Variants in FSHB observed in about 807,000 individuals in gnomAD.
FSHB encodes the protein follitropin subunit beta.
FSHB carries 8 observed loss-of-function variants against 12.1 expected under a neutral mutation model. That is an observed-to-expected ratio of 0.66 (90% CI 0.39 to 1.19). The LOEUF is 1.19. Ranked by LOEUF, FSHB falls within the 50% of genes most tolerant of loss-of-function variation. The pLI, the probability that FSHB is intolerant of heterozygous loss-of-function variation, is 0.01. For synonymous variants in FSHB, 55 were observed against 54.6 expected, an observed-to-expected ratio of 1.01 and a Z score of -0.04; for missense variants, 153 against 157.2, an observed-to-expected ratio of 0.97 and a Z score of 0.14.
At chr11:30,231,501 G>T (rs1243816251) in intron 1 of FSHB, among the ~76,000 whole-genome samples, 1 of 151,906 alleles carries the variant, frequency 6.6e-6, no homozygotes, top group Non-Finnish European at 1.5e-5. Flanking sequence ...CTCAAGAAAA[G>T]AAAAGAATTT....
At position 30,231,054 on chromosome 11, in the gene FSHB, T is replaced by C. The variant is rs1851999583; in HGVS notation, c.-38+6T>C. On this transcript the variant is annotated splice_donor_region_variant and intron_variant, in intron 1 of 2. Coordinates refer to ENST00000533718, the MANE Select transcript of FSHB (RefSeq NM_001382289.1). ...GGCAAGGCAGCCGACCACAGGTGAG[T>C]CTTGGCATCTACCGTTTTCAAGTGG... The C allele has an allele frequency of 6.6e-6, 1 of 152,180 alleles. No individual in the cohort carries two copies. Among genetic ancestry groups the C allele is most frequent in the African/African-American group, 2.4e-5 (1 of 41,434 alleles). 9.4% of individuals were successfully genotyped at this position (152,180 alleles called of 1,614,324 possible).
At chr11:30,233,493 A>G in intron 2 of FSHB, 77 bp from the exon 3 acceptor site, 1 of 1,127,974 alleles carries the variant, frequency 8.9e-7, no homozygotes, top group Non-Finnish European at 1.4e-6. Context: ...GCAGTATTCA[A>G]TTTCTGTCTC....
chr11:30,233,003 T>A (rs595496), intron 2 of FSHB, among the ~76,000 whole-genome samples: 1 of 151,906 alleles, frequency 6.6e-6, no homozygotes, highest in African/African-American at 2.4e-5. Context: ...AATTCTTATA[T>A]GCAAACTGCA....
chr11:30,234,215 ATCT>A lies in FSHB; in HGVS notation c.*418_*420del. Reference sequence around the variant, plus strand: ...TTGGGCCCTCTAGAGCAAGGTCAGCATCTTCAGCATTGTAGCGTCAATGCCTAG... The same window carrying A: ...TTGGGCCCTCTAGAGCAAGGTCAGCATCAGCATTGTAGCGTCAATGCCTAG... On this transcript the variant is annotated 3_prime_UTR_variant, in exon 3 of 3. Transcript: ENST00000533718. The A allele has an allele frequency of 3.9e-6, 1 of 254,448 alleles. No individual in the cohort carries two copies. Among genetic ancestry groups the A allele is most frequent in the Non-Finnish European group, 7.8e-6 (1 of 127,996 alleles). 15.8% of individuals were successfully genotyped at this position (254,448 alleles called of 1,614,324 possible).
chr11:30,233,096 C>T (rs989127071), intron 2 of FSHB, among the ~76,000 whole-genome samples: 7 of 152,158 alleles, frequency 4.6e-5, no homozygotes, highest in Admixed American at 4.6e-4. Flanking sequence ...TATTTAAAAT[C>T]TTATGTTAGC....
rs757773706 is a variant in FSHB at position 30,233,657 on chromosome 11, G to A, written c.247G>A (p.Gly83Ser). 22 of 1,613,858 alleles carry A rather than the reference G, an allele frequency of 1.4e-5. No homozygotes were observed. The highest frequency in any genetic ancestry group is 5.3e-5 in the African/African-American group (4 of 74,894). ...ELVYETVRVPGCAHHADSLYT... is the reference protein window; with the variant it reads ...ELVYETVRVPSCAHHADSLYT... ...GGTATACGAAACAGTGAGAGTGCCC[G>A]GCTGTGCTCACCATGCAGATTCCTT... The change falls in exon 3 of 3, where the codon GGC becomes AGC. Residue 83 changes from glycine (G) to serine (S), a missense_variant. By Grantham distance (56) the Gly-to-Ser change is moderately conservative (BLOSUM62 0). Transcript: ENST00000533718.
chr11:30,233,859 AG>A lies in FSHB; in HGVS notation c.*60del. On this transcript the variant is annotated 3_prime_UTR_variant, in exon 3 of 3. Coordinates refer to ENST00000533718, the MANE Select transcript of FSHB (RefSeq NM_001382289.1). ...TCCTGAAGGACCAAGATATTCAAAA[AG>A]TCTGTGTGTGTGCAATGTGCCCAGG... 1 of 1,441,704 alleles carries A rather than the reference AG, an allele frequency of 6.9e-7. No homozygotes were observed. The highest frequency in any genetic ancestry group is 9.7e-7 in the Non-Finnish European group (1 of 1,032,904). 89.3% of individuals were successfully genotyped at this position (1,441,704 alleles called of 1,614,324 possible).
At position 30,233,918 on chromosome 11, in the gene FSHB, T is replaced by C; in HGVS notation, c.*118T>C. 2 of 815,746 alleles carry C rather than the reference T, an allele frequency of 2.5e-6. No individual in the cohort carries two copies. Among genetic ancestry groups the C allele is most frequent in the Non-Finnish European group, 4.1e-6 (2 of 490,490 alleles). 50.5% of individuals were successfully genotyped at this position (815,746 alleles called of 1,614,324 possible). ...CCACTGGATCAGGGGATTCAGACTC[T>C]ACTGATCCCTGGTCTACTGGCAGAG... On this transcript the variant is annotated 3_prime_UTR_variant, in exon 3 of 3. Coordinates refer to ENST00000533718, the MANE Select transcript of FSHB (RefSeq NM_001382289.1).
Position 30,233,979 on chromosome 11 carries a change from C to A in FSHB, c.*179C>A. 1 of 639,804 alleles carries A rather than the reference C, an allele frequency of 1.6e-6. No homozygotes were observed. Among genetic ancestry groups the A allele is most frequent in the South Asian group, 1.7e-5 (1 of 57,176 alleles). 39.6% of individuals were successfully genotyped at this position (639,804 alleles called of 1,614,324 possible). A position where few individuals can be genotyped will look rare whatever the true frequency, so the allele number is the denominator to read the frequency against. On this transcript the variant is annotated 3_prime_UTR_variant, in exon 3 of 3. Transcript: ENST00000533718. ...GAATTGAGAGTGCTGGGGGCCAGGA[C>A]TCCATCATGATTCAGCTCTATATTC... is the stretch of plus-strand genomic sequence containing the variant.
rs1206341116 is a variant in FSHB at position 30,233,583 on chromosome 11, A to G, written c.173A>G (p.Lys58Arg). Residue 58 changes from lysine to arginine, a missense_variant, in exon 3 of 3, where the codon AAG becomes AGG. Physicochemically the swap from Lys to Arg is conservative, Grantham distance 26. Coordinates refer to ENST00000533718, the MANE Select transcript of FSHB (RefSeq NM_001382289.1). Reference protein sequence around the residue: ...GYCYTRDLVYKDPARPKIQKT... With the variant: ...GYCYTRDLVYRDPARPKIQKT... ...TAAACTCCTCAGGATCTGGTGTATA[A>G]GGACCCAGCCAGGCCCAAAATCCAG... The G allele has an allele frequency of 6.2e-7, 1 of 1,613,778 alleles. No homozygotes were observed. Among genetic ancestry groups the G allele is most frequent in the South Asian group, 1.1e-5 (1 of 91,074 alleles).
chr11:30,231,296 T>C (rs556994276), intron 1 of FSHB, among the ~76,000 whole-genome samples: 7 of 152,180 alleles, frequency 4.6e-5, no homozygotes, highest in Non-Finnish European at 8.8e-5. Context: ...AAAGAAAATA[T>C]TTATGAGATT....
chr11:30,233,824 C>T lies in FSHB; in HGVS notation c.*24C>T. The stretch of plus-strand genomic sequence containing the variant: ...AAAGATCAGTGGACATTTCAGGCCA[C>T]ATACCCTTGTCCTGAAGGACCAAGA... On this transcript the variant is annotated 3_prime_UTR_variant, in exon 3 of 3. Transcript: ENST00000533718. 4 of 1,584,190 alleles carry T rather than the reference C, an allele frequency of 2.5e-6. No individual in the cohort carries two copies. Among genetic ancestry groups the T allele is most frequent in the Non-Finnish European group, 1.7e-6 (2 of 1,153,682 alleles).
At chr11:30,232,714 T>C (rs1432577039) in intron 2 of FSHB, among the ~76,000 whole-genome samples, 1 of 152,208 alleles carries the variant, frequency 6.6e-6, no homozygotes, top group Admixed American at 6.6e-5. Flanking sequence ...ATAGTTTCCA[T>C]GGTGCTTTCT....
intron 2 of FSHB, among the ~76,000 whole-genome samples, chr11:30,232,785 A>T (rs1852026667): frequency 6.6e-6 from 1 of 152,226 alleles, no homozygotes; most frequent in Non-Finnish European, 1.5e-5. Context: ...CTAAAATTGA[A>T]AATGGCAACT....
Position 30,233,769 on chromosome 11 carries a change from G to GCTA in FSHB, c.362_364dup (p.Tyr121dup). On this transcript the variant is annotated inframe_insertion, in exon 3 of 3. Transcript: ENST00000533718. Reference sequence around the variant, plus strand: ...TGTACTGTGCGAGGCCTGGGGCCCAGCTACTGCTCCTTTGGTGAAATGAAA... The same window carrying GCTA: ...TGTACTGTGCGAGGCCTGGGGCCCAGCTACTACTGCTCCTTTGGTGAAATGAAA... 6.2e-7 allele frequency: 1 copy of GCTA among 1,613,984 alleles called. No individual in the cohort carries two copies. The highest frequency in any genetic ancestry group is 8.5e-7 in the Non-Finnish European group (1 of 1,179,910).
At position 30,233,700 on chromosome 11, in the gene FSHB, C is replaced by T; in HGVS notation, c.290C>T (p.Ala97Val). Reference protein sequence around the residue: ...HADSLYTYPVATQCHCGKCDS... With the variant: ...HADSLYTYPVVTQCHCGKCDS... Reference sequence around the variant, plus strand: ...GATTCCTTGTATACATACCCAGTGGCCACCCAGTGTCACTGTGGCAAGTGT... The same window carrying T: ...GATTCCTTGTATACATACCCAGTGGTCACCCAGTGTCACTGTGGCAAGTGT... Residue 97 changes from alanine to valine, a missense_variant, in exon 3 of 3, where the codon GCC becomes GTC. Ala to Val is a moderately conservative substitution (Grantham distance 64). Transcript: ENST00000533718. The T allele has an allele frequency of 6.2e-7, 1 of 1,614,022 alleles. No homozygotes were observed. The highest frequency in any genetic ancestry group is 8.5e-7 in the Non-Finnish European group (1 of 1,179,944).
At position 30,231,812 on chromosome 11, in the gene FSHB, A is replaced by G. The variant is rs1337849532; in HGVS notation, c.-37-54A>G. On this transcript the variant is annotated intron_variant, in intron 1 of 2. Transcript: ENST00000533718. ...GTGATTGAGGAGGATGAGCAGACCA[A>G]TTATTTTTGGTTTGGTCAGCTTACA... 5 of 1,438,022 alleles carry G rather than the reference A, an allele frequency of 3.5e-6. No individual in the cohort carries two copies. In the African/African-American group the frequency reaches 5.6e-5, roughly 16 times the overall value. The allele number at this position is 1,438,022 out of a possible 1,614,324, so 89.1% of individuals were successfully genotyped here.
In FSHB at chr11:30,234,270, A is replaced by G. The variant is rs974616015; in HGVS notation, c.*470A>G. 3.3e-5 allele frequency: 6 copies of G among 181,478 alleles called. No homozygotes were observed. The highest frequency in any genetic ancestry group is 1.2e-4 in the South Asian group (1 of 8,118). 11.2% of individuals were successfully genotyped at this position (181,478 alleles called of 1,614,324 possible). On this transcript the variant is annotated 3_prime_UTR_variant, in exon 3 of 3. Coordinates refer to ENST00000533718, the MANE Select transcript of FSHB (RefSeq NM_001382289.1). Reference sequence around the variant, plus strand: ...ACTCTGCCTGGAACTTAGAAACACAACAATGACTTCTTTAGATCAGAAAGG... The same window carrying G: ...ACTCTGCCTGGAACTTAGAAACACAGCAATGACTTCTTTAGATCAGAAAGG...
Position 30,233,467 on chromosome 11 carries a change from G to A in FSHB, c.160-103G>A, listed in dbSNP as rs1852034779. ...CATTTATGAGGTCATGTTTTAATGG[G>A]TAAATGTTAGAGCAAGCAGTATTCA... On this transcript the variant is annotated intron_variant, in intron 2 of 2. Transcript: ENST00000533718. The A allele has an allele frequency of 4.6e-6, 4 of 870,222 alleles. No individual in the cohort carries two copies. The South Asian group carries it at 5.5e-5, about 12-fold the overall frequency. 53.9% of individuals were successfully genotyped at this position (870,222 alleles called of 1,614,324 possible).
Sources: gnomAD v4.1 joint callset for allele counts (sites outside exome capture counted in the v4.1 genomes callset) on GRCh38, gnomAD v4.1.1 for gene constraint, MANE v1.5 for transcripts, NCBI Gene and HGNC (gene_info 2026-07-23, HGNC 2026-07-21) for gene names.